Variants in LPAR1 observed in about 807,000 individuals in gnomAD.
LPAR1 encodes the protein lysophosphatidic acid receptor 1.
LPAR1 carries 5 observed loss-of-function variants against 23.8 expected under a neutral mutation model. That is an observed-to-expected ratio of 0.21 (90% CI 0.11 to 0.44). The LOEUF (loss-of-function observed/expected upper bound fraction) is 0.44, where lower values mean the gene tolerates loss of function less well. LPAR1 is among the 20% of genes least tolerant of loss of function. LPAR1 has a pLI of 0.99. For synonymous variants in LPAR1, 160 were observed against 164.7 expected (o/e 0.97, Z 0.22); for missense variants, 311 against 482.8 (o/e 0.64, Z 3.33).
chr9:110,940,338 T>C (rs1358468416), intron 5 of LPAR1, among the ~76,000 whole-genome samples: 2 of 152,198 alleles, frequency 1.3e-5, no homozygotes, highest in Non-Finnish European at 2.9e-5. Flanking sequence ...GTGGCTAAAA[T>C]TAAGGTAATT....
intron 2 of LPAR1, among the ~76,000 whole-genome samples, chr9:110,987,685 T>TATATAC (rs1239298418): frequency 6.6e-6 from 1 of 151,400 alleles, no homozygotes; most frequent in African/African-American, 2.4e-5. Flanking sequence ...TATATATATA[T>TATATAC]ATATAAAGTT....
chr9:110,897,166 A>G (rs1588189699), intron 5 of LPAR1, among the ~76,000 whole-genome samples: 2 of 152,104 alleles, frequency 1.3e-5, no homozygotes, highest in African/African-American at 2.4e-5. Context: ...TCTAAATCTC[A>G]TCTTGCAGCT....
intron 2 of LPAR1, among the ~76,000 whole-genome samples, chr9:110,984,609 G>A (rs2096741313): frequency 6.6e-6 from 1 of 151,910 alleles, no homozygotes; most frequent in Non-Finnish European, 1.5e-5. Flanking sequence ...GAGATTGCTG[G>A]ATCATATGGT....
intron 4 of LPAR1, among the ~76,000 whole-genome samples, chr9:110,970,355 C>T (rs1041147030): frequency 2.0e-5 from 3 of 152,096 alleles, no homozygotes; most frequent in Non-Finnish European, 4.4e-5. Flanking sequence ...TCTCTTTGCC[C>T]ATTCTCCAAG....
In LPAR1 at chr9:110,874,685, T is replaced by A. The variant is rs545351383; in HGVS notation, c.*736A>T. The A allele has an allele frequency of 6.5e-6, 1 of 152,760 alleles. No homozygotes were observed. Among genetic ancestry groups the A allele is most frequent in the Admixed American group, 6.5e-5 (1 of 15,300 alleles). The allele number at this position is 152,760 out of a possible 1,614,324, so 9.5% of individuals were successfully genotyped here. On this transcript the variant is annotated 3_prime_UTR_variant, in exon 6 of 6. Coordinates refer to ENST00000683809, the MANE Select transcript of LPAR1 (RefSeq NM_001351411.2). Reference sequence around the variant, plus strand: ...ATACATATCACTTTGGTAATAAACTTACATTCCCTGTTTTATACTTGTTAC... The same window carrying A: ...ATACATATCACTTTGGTAATAAACTAACATTCCCTGTTTTATACTTGTTAC...
chr9:110,987,603 A>C (rs1377802510), intron 2 of LPAR1, among the ~76,000 whole-genome samples: 1 of 151,240 alleles, frequency 6.6e-6, no homozygotes, highest in Admixed American at 6.6e-5. Flanking sequence ...AATCAGTTCC[A>C]CCTGGGGAGT....
At chr9:110,969,699 G>A (rs1240646081) in intron 4 of LPAR1, among the ~76,000 whole-genome samples, 1 of 150,962 alleles carries the variant, frequency 6.6e-6, no homozygotes, top group Non-Finnish European at 1.5e-5. Context: ...GCAATAGAAT[G>A]AGACTCTGTC....
At chr9:110,953,771 C>T (rs960471140) in intron 4 of LPAR1, among the ~76,000 whole-genome samples, 1 of 152,020 alleles carries the variant, frequency 6.6e-6, no homozygotes, top group African/African-American at 2.4e-5. Flanking sequence ...AAGTGACCTA[C>T]ACAACCAACA....
chr9:110,993,525 G>T (rs1329211335), intron 2 of LPAR1, among the ~76,000 whole-genome samples: 1 of 152,090 alleles, frequency 6.6e-6, no homozygotes, highest in Non-Finnish European at 1.5e-5. Flanking sequence ...TGGGAAGGTA[G>T]CCCAGAGTTT....
chr9:110,886,522 C>CTA (rs1414560041), intron 5 of LPAR1, among the ~76,000 whole-genome samples: 5 of 150,928 alleles, frequency 3.3e-5, no homozygotes, highest in Admixed American at 1.3e-4. Flanking sequence ...ACTTGTAAAA[C>CTA]TATATATATA....
intron 2 of LPAR1, among the ~76,000 whole-genome samples, chr9:111,012,452 T>C (rs1053284638): frequency 7.0e-6 from 1 of 142,678 alleles, no homozygotes; most frequent in African/African-American, 2.7e-5. Flanking sequence ...AACACACACA[T>C]GCATGTACGC....
intron 2 of LPAR1, among the ~76,000 whole-genome samples, chr9:111,007,993 G>A (rs1039485646): frequency 1.3e-5 from 2 of 152,034 alleles, no homozygotes; most frequent in Non-Finnish European, 2.9e-5. Context: ...GGCCAACATG[G>A]TGAAACCCCA....
chr9:110,970,807 G>C (rs2096394247), intron 4 of LPAR1, among the ~76,000 whole-genome samples: 1 of 152,156 alleles, frequency 6.6e-6, no homozygotes, highest in Non-Finnish European at 1.5e-5. Flanking sequence ...ATTTCAATCA[G>C]TATGGCTCTT....
chr9:110,913,698 G>A (rs1472517756), intron 5 of LPAR1, among the ~76,000 whole-genome samples: 1 of 152,106 alleles, frequency 6.6e-6, no homozygotes, highest in African/African-American at 2.4e-5. Context: ...GTGGAGTTAT[G>A]GAAAATAAGA....
rs149818114 is a variant in LPAR1 at position 110,875,652 on chromosome 9, G to A, written c.864C>T (p.Asp288=). The change falls in exon 6 of 6, where the codon GAC becomes GAT. Residue 288 remains aspartate (D), a synonymous_variant. Transcript: ENST00000683809. ...LLLDVCCPQC[D]VLAYEKFFLL... The stretch of plus-strand genomic sequence containing the variant: ...GGAAGAATTTCTCATAGGCCAGCAC[G>A]TCGCACTGTGGACAGCACACGTCTA... 1.2e-5 allele frequency: 19 copies of A among 1,614,010 alleles called. No individual in the cohort carries two copies. The highest frequency in any genetic ancestry group is 3.3e-4 in the Middle Eastern group (2 of 6,062).
At chr9:110,890,564 A>T (rs115974859) in intron 5 of LPAR1, among the ~76,000 whole-genome samples, 2,749 of 152,312 alleles carry the variant, frequency 0.018, 76 homozygotes, top group African/African-American at 0.062. Context: ...TTGTTGCATT[A>T]ACTGTTCCAT....
At chr9:110,923,357 C>G (rs2093773138) in intron 5 of LPAR1, among the ~76,000 whole-genome samples, 5 of 152,108 alleles carry the variant, frequency 3.3e-5, no homozygotes, top group Admixed American at 3.3e-4. Flanking sequence ...AAGTGATACA[C>G]CCATTCCTTA....
chr9:110,932,211 G>T (rs1052491673), intron 5 of LPAR1, among the ~76,000 whole-genome samples: 2 of 152,128 alleles, frequency 1.3e-5, no homozygotes, highest in Non-Finnish European at 2.9e-5. Flanking sequence ...ATTTCATGTA[G>T]TCATTCAGCA....
intron 2 of LPAR1, among the ~76,000 whole-genome samples, chr9:111,028,126 A>G (rs1445937401): frequency 6.6e-6 from 1 of 151,186 alleles, no homozygotes; most frequent in Non-Finnish European, 1.5e-5. Flanking sequence ...CCAAAATGGA[A>G]TAAGAATTTT....
Sources: gnomAD v4.1 joint callset for allele counts (sites outside exome capture counted in the v4.1 genomes callset) on GRCh38, gnomAD v4.1.1 for gene constraint, MANE v1.5 for transcripts, NCBI Gene and HGNC (gene_info 2026-07-23, HGNC 2026-07-21) for gene names.